Variants in CD163L1 observed in about 807,000 individuals in gnomAD.
The protein encoded by CD163L1 is CD163 molecule like 1.
In CD163L1, 124 loss-of-function variants were observed where a neutral mutation model predicts 165.4. The observed-to-expected ratio is 0.75, with a 90% CI of 0.65 to 0.87. The LOEUF (loss-of-function observed/expected upper bound fraction) is 0.87, where lower values mean the gene tolerates loss of function less well. Among genes scored for constraint, CD163L1 ranks in the 40% least tolerant of loss-of-function variants. The probability of loss-of-function intolerance (pLI) is 0.00; values close to 1 mark genes in which losing one functional copy is unlikely to be tolerated. For missense variants in CD163L1, 1,525 were observed against 1,799.9 expected (o/e 0.85, Z 2.76); for synonymous variants, 585 against 662.2 (o/e 0.88, Z 1.79).
intron 1 of CD163L1, 128 bp from the exon 2 acceptor site, chr12:7,441,374 A>G: frequency 1.5e-6 from 1 of 670,732 alleles, no homozygotes; most frequent in Non-Finnish European, 2.5e-6. Flanking sequence ...TGTCAAGGAT[A>G]CCGCACAAGA....
chr12:7,385,408 A>G (rs1947495843), intron 8 of CD163L1, among the ~76,000 whole-genome samples: 1 of 152,034 alleles, frequency 6.6e-6, no homozygotes, highest in African/African-American at 2.4e-5. Context: ...AATTACAATA[A>G]TAGTTGGCAC....
chr12:7,416,048 T>C lies in CD163L1; in HGVS notation c.767-9196A>G, dbSNP rs940014115. On this transcript the variant is annotated intron_variant, in intron 4 of 19. Coordinates refer to ENST00000313599, the MANE Select transcript of CD163L1 (RefSeq NM_174941.6). ...CTAATTTACACTCCCATCAACAGTG[T>C]AAAAGCATTCCTATTTCTCCACATT... Among the ~76,000 whole-genome samples the C allele has an allele frequency of 2.0e-5, 3 of 152,222 alleles. 1 individual carries two copies. The highest frequency in any genetic ancestry group is 7.2e-5 in the African/African-American group (3 of 41,454).
intron 4 of CD163L1, among the ~76,000 whole-genome samples, chr12:7,421,745 G>GTA (rs150499022): frequency 8.0e-3 from 14 of 1,744 alleles, no homozygotes; most frequent in African/African-American, 0.01. Context: ...ATGTGTGTGT[G>GTA]TATATATATA....
intron 19 of CD163L1, among the ~76,000 whole-genome samples, 156 bp downstream of exon 19, chr12:7,357,224 C>T (rs1450442261): frequency 6.6e-6 from 1 of 152,148 alleles, no homozygotes; most frequent in East Asian, 1.9e-4. Context: ...CAACCTCTCT[C>T]TTTTCCAGAG....
rs780766068 is a variant in CD163L1 at position 7,347,584 on chromosome 12, G to A, written c.*25-437C>T. Among the ~76,000 whole-genome samples, 2 of 152,168 alleles carry A rather than the reference G, an allele frequency of 1.3e-5. No individual in the cohort carries two copies. Among genetic ancestry groups the A allele is most frequent in the East Asian group, 1.9e-4 (1 of 5,166 alleles). ...CACGAGGTCAGGAGATCGAGACCACGTTGAAACCCCGTCTCTACTGAAAAT... is the reference window on the plus strand; with the variant it reads ...CACGAGGTCAGGAGATCGAGACCACATTGAAACCCCGTCTCTACTGAAAAT... On this transcript the variant is annotated intron_variant, in intron 4 of 4. Coordinates refer to the CD163L1 transcript ENST00000539726. This position sits in a 1 kb window ranked among gnomAD's most constrained non-coding sequence, Gnocchi z 4.2.
intron 2 of CD163L1, among the ~76,000 whole-genome samples, chr12:7,436,783 C>G (rs1042995523): frequency 6.6e-6 from 1 of 151,730 alleles, no homozygotes; most frequent in Admixed American, 6.6e-5. Context: ...AATGAAAAAC[C>G]TTAAAAATGA....
At chr12:7,395,426 A>G (rs1657604054) in intron 8 of CD163L1, among the ~76,000 whole-genome samples, 1 of 152,036 alleles carries the variant, frequency 6.6e-6, no homozygotes, top group African/African-American at 2.4e-5. Flanking sequence ...GGGGAACATC[A>G]CCCACTGGGG....
chr12:7,421,155 ATG>A (rs1948368918), intron 4 of CD163L1, among the ~76,000 whole-genome samples: 1 of 135,806 alleles, frequency 7.4e-6, no homozygotes, highest in Non-Finnish European at 1.5e-5. Context: ...ATGTGTATAA[ATG>A]TATATATATG....
rs1947833570 is a variant in CD163L1, at chr12:7,398,621, TGA to T, written c.1409-39_1409-38del. ...ACAAAACCACATATTTGAGATCAAA[TGA>T]GAGAGTCTTTTCAGAAGACTGAAAA... On this transcript the variant is annotated intron_variant, in intron 6 of 19. Coordinates refer to ENST00000313599, the MANE Select transcript of CD163L1 (RefSeq NM_174941.6). This position sits in a 1 kb window ranked among gnomAD's most constrained non-coding sequence, Gnocchi z 4.5. 6.7e-7 allele frequency: 1 copy of T among 1,503,700 alleles called. No homozygotes were observed. Among genetic ancestry groups the T allele is most frequent in the African/African-American group, 1.4e-5 (1 of 71,406 alleles). The allele number at this position is 1,503,700 out of a possible 1,614,324, so 93.1% of individuals were successfully genotyped here.
intron 6 of CD163L1, among the ~76,000 whole-genome samples, chr12:7,399,779 AT>A (rs1203155727): frequency 2.0e-5 from 3 of 151,682 alleles, no homozygotes; most frequent in African/African-American, 7.3e-5. Context: ...TATTTTTTGT[AT>A]TTTTAGTATA....
the CD163L1 span, among the ~76,000 whole-genome samples, chr12:7,337,986 TA>T: frequency 2.0e-5 from 3 of 152,030 alleles, no homozygotes; most frequent in Non-Finnish European, 2.9e-5. Flanking sequence ...TATGCAGCCA[TA>T]AAAAAGAATG....
chr12:7,335,335 C>T, the CD163L1 span, among the ~76,000 whole-genome samples: 1 of 152,078 alleles, frequency 6.6e-6, no homozygotes, highest in African/African-American at 2.4e-5. Flanking sequence ...AGAAATAATG[C>T]CACATATCTA....
intron 8 of CD163L1, among the ~76,000 whole-genome samples, chr12:7,391,701 T>C (rs990400928): frequency 2.6e-5 from 4 of 152,076 alleles, no homozygotes; most frequent in African/African-American, 9.7e-5. Context: ...GAGACACACA[T>C]AGGCTCAAAA....
Position 7,367,941 on chromosome 12 carries a change from CAT to C in CD163L1, c.4183+144_4183+145del, listed in dbSNP as rs1270777063. 41 of 613,352 alleles carry C rather than the reference CAT, an allele frequency of 6.7e-5. No homozygotes were observed. The East Asian group carries it at 9.3e-4, about 14-fold the overall frequency. 38.0% of individuals were successfully genotyped at this position (613,352 alleles called of 1,614,324 possible). On this transcript the variant is annotated intron_variant, in intron 17 of 19. Coordinates refer to ENST00000313599, the MANE Select transcript of CD163L1 (RefSeq NM_174941.6). ...GATTGGCTGATTCTTGATCATTCCACATGTTTCTGCATTTGGCCTGGCACTTT... is the reference window on the plus strand; with the variant it reads ...GATTGGCTGATTCTTGATCATTCCACGTTTCTGCATTTGGCCTGGCACTTT...
chr12:7,370,467 A>C (rs1274528128), intron 14 of CD163L1, among the ~76,000 whole-genome samples: 1 of 152,186 alleles, frequency 6.6e-6, no homozygotes, highest in African/African-American at 2.4e-5. Flanking sequence ...ACCAAAAGAG[A>C]ATCTCGGGAT....
At chr12:7,333,855 T>TA in the CD163L1 span, among the ~76,000 whole-genome samples, 1 of 151,694 alleles carries the variant, frequency 6.6e-6, no homozygotes, top group East Asian at 1.9e-4. Flanking sequence ...GAGAATACTA[T>TA]AAACACCTCT....
chr12:7,399,380 CTTCTTTCTTTTTCT>C (rs1450971885), intron 6 of CD163L1, among the ~76,000 whole-genome samples: 1 of 27,416 alleles, frequency 3.6e-5, no homozygotes, highest in Non-Finnish European at 9.3e-5. Flanking sequence ...CTTTCTCTGA[CTTCTTTCTTTTTCT>C]TTCTTTCTTT....
intron 4 of CD163L1, among the ~76,000 whole-genome samples, chr12:7,407,507 C>CGT (rs1191574516): frequency 6.6e-6 from 1 of 151,826 alleles, no homozygotes; most frequent in African/African-American, 2.4e-5. Flanking sequence ...TTCAAAGTCT[C>CGT]AGCCTTTCCT....
chr12:7,387,698 C>T (rs1281588871), intron 8 of CD163L1, among the ~76,000 whole-genome samples: 2 of 152,200 alleles, frequency 1.3e-5, no homozygotes, highest in Admixed American at 1.3e-4. Flanking sequence ...TGATGCCATG[C>T]TTGTTCAGTA....
Sources: allele counts gnomAD v4.1 joint callset (sites outside exome capture counted in the v4.1 genomes callset), GRCh38; gene constraint gnomAD v4.1.1; non-coding constraint Gnocchi (gnomAD v3.1); transcripts MANE v1.5; gene names NCBI Gene and HGNC (gene_info 2026-07-23, HGNC 2026-07-21).